The following SUCLG2 variants were observed in gnomAD, a reference collection of about 807,000 sequenced individuals.
SUCLG2 encodes the protein succinate-CoA ligase GDP-forming subunit beta, also known as succinate--CoA ligase [GDP-forming] subunit beta, mitochondrial.
In SUCLG2, 42 loss-of-function variants were observed where a neutral mutation model predicts 47.9. The ratio of observed to expected loss-of-function variants is 0.88; its 90% CI spans 0.69 to 1.14. The LOEUF (loss-of-function observed/expected upper bound fraction) is 1.14. Ranked by LOEUF, SUCLG2 falls within the 50% of genes most tolerant of loss-of-function variation. The pLI, the probability that SUCLG2 is intolerant of heterozygous loss-of-function variation, is 0.00. For synonymous variants in SUCLG2, 195 were observed against 197.3 expected, an observed-to-expected ratio of 0.99 and a Z score of 0.10; for missense variants, 571 against 525.9, an observed-to-expected ratio of 1.09 and a Z score of -0.84.
intron 10 of SUCLG2, among the ~76,000 whole-genome samples, chr3:67,360,952 C>T (rs79475147): frequency 0.15 from 23,136 of 152,028 alleles, 1,900 homozygotes; most frequent in Middle Eastern, 0.23. Context: ...GTCTCTCTCT[C>T]GTTTATTGGG....
intron 1 of SUCLG2, among the ~76,000 whole-genome samples, chr3:67,618,008 T>C (rs1700660934): frequency 6.6e-6 from 1 of 152,338 alleles, no homozygotes; most frequent in East Asian, 1.9e-4. Context: ...TTTGTAGAGA[T>C]ATTTTTAAAC....
intron 9 of SUCLG2, among the ~76,000 whole-genome samples, chr3:67,480,350 T>G (rs1016631716): frequency 2.6e-5 from 4 of 152,212 alleles, no homozygotes; most frequent in Non-Finnish European, 5.9e-5. Context: ...AGAAGGCTTG[T>G]TAAAACTCAG....
At chr3:67,571,159 A>G (rs1437129341) in intron 2 of SUCLG2, among the ~76,000 whole-genome samples, 1 of 152,130 alleles carries the variant, frequency 6.6e-6, no homozygotes, top group Admixed American at 6.5e-5. Context: ...TCTAAACCTG[A>G]GGAAATTTTG....
intron 9 of SUCLG2, among the ~76,000 whole-genome samples, chr3:67,491,191 A>G (rs888207304): frequency 2.7e-4 from 40 of 149,240 alleles, no homozygotes; most frequent in Non-Finnish European, 4.9e-4. Flanking sequence ...ATGGTGGCAG[A>G]CGCCTTTAGT....
intron 9 of SUCLG2, among the ~76,000 whole-genome samples, chr3:67,425,203 C>A (rs1431558075): frequency 6.6e-6 from 1 of 152,128 alleles, no homozygotes. Flanking sequence ...CTTGGTATTG[C>A]CTTCTTGTAC....
intron 7 of SUCLG2, among the ~76,000 whole-genome samples, chr3:67,500,333 CA>C (rs1194932492): frequency 1.3e-5 from 2 of 152,100 alleles, no homozygotes; most frequent in Non-Finnish European, 2.9e-5. Flanking sequence ...CTGTGTAGAC[CA>C]GCATATTAAC....
At chr3:67,485,041 G>C (rs1705015912) in intron 9 of SUCLG2, among the ~76,000 whole-genome samples, 1 of 152,108 alleles carries the variant, frequency 6.6e-6, no homozygotes, top group Admixed American at 6.6e-5. Flanking sequence ...GAATATACCA[G>C]GAAGACATTG....
At chr3:67,576,860 A>C in intron 2 of SUCLG2, among the ~76,000 whole-genome samples, 1 of 152,244 alleles carries the variant, frequency 6.6e-6, no homozygotes, top group East Asian at 1.9e-4. Flanking sequence ...CCTCACTAAG[A>C]ATTGATAACC....
intron 2 of SUCLG2, among the ~76,000 whole-genome samples, chr3:67,581,091 G>C (rs1251312726): frequency 6.6e-6 from 1 of 152,156 alleles, no homozygotes; most frequent in Non-Finnish European, 1.5e-5. Context: ...TTTAACACTT[G>C]GATATCCAGT....
chr3:67,475,280 C>T (rs1029317212), intron 9 of SUCLG2, among the ~76,000 whole-genome samples: 2 of 152,122 alleles, frequency 1.3e-5, no homozygotes, highest in African/African-American at 4.8e-5. Flanking sequence ...ACATTAAGGG[C>T]TCACCAAAGA....
intron 1 of SUCLG2, among the ~76,000 whole-genome samples, chr3:67,615,747 A>T (rs1202844579): frequency 1.3e-5 from 2 of 152,032 alleles, no homozygotes; most frequent in African/African-American, 4.8e-5. Flanking sequence ...CTTCCAAAAC[A>T]ATTTGACAGT....
intron 2 of SUCLG2, among the ~76,000 whole-genome samples, chr3:67,598,646 T>C (rs1313581782): frequency 6.6e-6 from 1 of 152,208 alleles, no homozygotes; most frequent in East Asian, 1.9e-4. Context: ...TTCCTCTTTC[T>C]GGGTACAGAG....
chr3:67,490,584 C>T (rs915921252), intron 9 of SUCLG2, among the ~76,000 whole-genome samples: 1 of 152,206 alleles, frequency 6.6e-6, no homozygotes, highest in South Asian at 2.1e-4. Context: ...TGAAGTAACA[C>T]TGATTATCAC....
At chr3:67,464,260 G>T (rs116702459) in intron 9 of SUCLG2, among the ~76,000 whole-genome samples, 2,225 of 152,236 alleles carry the variant, frequency 0.015, 52 homozygotes, top group African/African-American at 0.051. Context: ...ACCTCTTCTG[G>T]ACAGCAAGAG....
intron 9 of SUCLG2, among the ~76,000 whole-genome samples, chr3:67,427,022 A>G (rs999578936): frequency 1.3e-5 from 2 of 152,222 alleles, no homozygotes; most frequent in Non-Finnish European, 2.9e-5. Flanking sequence ...GTAATTTACA[A>G]TAGGATTTCT....
intron 10 of SUCLG2, among the ~76,000 whole-genome samples, chr3:67,395,474 T>C (rs1169800653): frequency 6.6e-6 from 1 of 152,188 alleles, no homozygotes. Context: ...AAGAACTAAC[T>C]ATCCTAAATA....
chr3:67,564,976 T>C (rs1310303986), intron 2 of SUCLG2, among the ~76,000 whole-genome samples: 1 of 151,958 alleles, frequency 6.6e-6, no homozygotes, highest in Non-Finnish European at 1.5e-5. Context: ...TTCTTCCCAC[T>C]GCTTTTTTTT....
At chr3:67,603,719 T>C (rs1348175427) in intron 2 of SUCLG2, among the ~76,000 whole-genome samples, 1 of 152,214 alleles carries the variant, frequency 6.6e-6, no homozygotes, top group African/African-American at 2.4e-5. Context: ...TTCTAAAAAC[T>C]GAAAGATAGT....
In SUCLG2 at chr3:67,648,405, G is replaced by A. The variant is rs567078379; in HGVS notation, c.84+6098C>T. Among the ~76,000 whole-genome samples the A allele has an allele frequency of 7.2e-5, 11 of 152,254 alleles. No individual in the cohort carries two copies. In the South Asian group the frequency reaches 2.3e-3, roughly 32 times the overall value. ...TGACCAAAGGCGAGTGTCACTCAAGGGCAAAAAGATGGGGAAAGGTAAGCA... is the reference window on the plus strand; with the variant it reads ...TGACCAAAGGCGAGTGTCACTCAAGAGCAAAAAGATGGGGAAAGGTAAGCA... On this transcript the variant is annotated intron_variant, in intron 1 of 10. Coordinates refer to ENST00000307227, the MANE Select transcript of SUCLG2 (RefSeq NM_003848.4).
Sources: allele counts gnomAD v4.1 joint callset (sites outside exome capture counted in the v4.1 genomes callset), GRCh38; gene constraint gnomAD v4.1.1; transcripts MANE v1.5; gene names NCBI Gene and HGNC (gene_info 2026-07-23, HGNC 2026-07-21).